BDH1: variants seen among roughly 807,000 people sequenced by gnomAD.
The protein encoded by BDH1 is D-beta-hydroxybutyrate dehydrogenase, mitochondrial.
In BDH1, 30 loss-of-function variants were observed where a neutral mutation model predicts 33.1. The observed-to-expected ratio is 0.91, with a 90% confidence interval of 0.68 to 1.23. The LOEUF (loss-of-function observed/expected upper bound fraction) is 1.23. Ranked by LOEUF, BDH1 falls within the 50% of genes most tolerant of loss-of-function variation. BDH1 has a pLI of 0.00. For synonymous variants in BDH1, 190 were observed against 183.6 expected, an observed-to-expected ratio of 1.03 and a Z score of -0.28; for missense variants, 443 against 464.4, an observed-to-expected ratio of 0.95 and a Z score of 0.42.
chr3:197,541,813 A>T (rs180753775), intron 3 of BDH1, among the ~76,000 whole-genome samples: 1 of 152,314 alleles, frequency 6.6e-6, no homozygotes, highest in Admixed American at 6.5e-5. Context: ...AAAGAAAAAC[A>T]AAGACCTATC....
Position 197,510,246 on chromosome 3 carries a change from A to G in BDH1, c.*1649T>C, listed in dbSNP as rs1177245621. 6.6e-6 allele frequency: 1 copy of G among 152,304 alleles called. No homozygotes were observed. The highest frequency in any genetic ancestry group is 1.5e-5 in the Non-Finnish European group (1 of 68,090). 9.4% of individuals were successfully genotyped at this position (152,304 alleles called of 1,614,324 possible). ...AAGCGCGAATCCCGAACGCCGTGAG[A>G]AACCTCAGGCTCGGGCGGCAGCGCG... On this transcript the variant is annotated 3_prime_UTR_variant, in exon 8 of 8. Coordinates refer to ENST00000392379, the MANE Select transcript of BDH1 (RefSeq NM_203314.3).
At chr3:197,566,042 T>C (rs1260669688) in intron 1 of BDH1, among the ~76,000 whole-genome samples, 1 of 152,270 alleles carries the variant, frequency 6.6e-6, no homozygotes, top group Non-Finnish European at 1.5e-5. Context: ...TTTTAAGCTA[T>C]TTACAGCTTT....
At chr3:197,546,696 C>T (rs539625641) in intron 2 of BDH1, among the ~76,000 whole-genome samples, 1 of 152,146 alleles carries the variant, frequency 6.6e-6, no homozygotes, top group Non-Finnish European at 1.5e-5. Flanking sequence ...TGCCTGGAAG[C>T]CTGGGTTCTG....
Position 197,509,947 on chromosome 3 carries a change from G to C in BDH1, c.*1948C>G, listed in dbSNP as rs1225211689. Reference sequence around the variant, plus strand: ...AAGCGTCCCCCTCTGGGCTCTGGAGGGTTTCGGCCCTGCCTGCCTCCCCCC... The same window carrying C: ...AAGCGTCCCCCTCTGGGCTCTGGAGCGTTTCGGCCCTGCCTGCCTCCCCCC... On this transcript the variant is annotated 3_prime_UTR_variant, in exon 8 of 8. Coordinates refer to ENST00000392379, the MANE Select transcript of BDH1 (RefSeq NM_203314.3). The C allele has an allele frequency of 6.9e-6, 1 of 144,380 alleles. No individual in the cohort carries two copies. Among genetic ancestry groups the C allele is most frequent in the East Asian group, 2.4e-4 (1 of 4,230 alleles). The allele number at this position is 144,380 out of a possible 1,614,324, so 8.9% of individuals were successfully genotyped here. A position where few individuals can be genotyped will look rare whatever the true frequency, so the allele number is the denominator to read the frequency against.
At chr3:197,556,779 G>A (rs1223025107), upstream of BDH1, among the ~76,000 whole-genome samples, 1 of 152,230 alleles carries the variant, frequency 6.6e-6, no homozygotes, top group Admixed American at 6.5e-5. Flanking sequence ...CCACAGATAA[G>A]GGTTTCCTCC....
chr3:197,511,481 G>C lies in BDH1; in HGVS notation c.*414C>G, dbSNP rs985281821. On this transcript the variant is annotated 3_prime_UTR_variant, in exon 8 of 8. Coordinates refer to ENST00000392379, the MANE Select transcript of BDH1 (RefSeq NM_203314.3). The stretch of plus-strand genomic sequence containing the variant: ...AACACATAACTGGCACTATTTATAA[G>C]CGATAAAAGGGTTATTTCATGCATC... The C allele has an allele frequency of 5.3e-6, 1 of 190,336 alleles. No homozygotes were observed. The highest frequency in any genetic ancestry group is 1.1e-5 in the Non-Finnish European group (1 of 94,022). 11.8% of individuals were successfully genotyped at this position (190,336 alleles called of 1,614,324 possible).
rs1713821943 is a variant in BDH1 at position 197,523,872 on chromosome 3, T to A, written c.268-1091A>T. On this transcript the variant is annotated intron_variant, in intron 5 of 7. Coordinates refer to ENST00000392379, the MANE Select transcript of BDH1 (RefSeq NM_203314.3). This position sits in a 1 kb window ranked among gnomAD's most constrained non-coding sequence, Gnocchi z 4.5. ...ATAAGAGGACGCCACCAGAAGCCATTGGTTGCAGGCAGTGCAGACGCATAA... is the reference window on the plus strand; with the variant it reads ...ATAAGAGGACGCCACCAGAAGCCATAGGTTGCAGGCAGTGCAGACGCATAA... Among the ~76,000 whole-genome samples the A allele has an allele frequency of 6.6e-6, 1 of 151,914 alleles. No individual in the cohort carries two copies. Among genetic ancestry groups the A allele is most frequent in the South Asian group, 2.1e-4 (1 of 4,822 alleles).
At chr3:197,534,556 G>A (rs969584292) in intron 3 of BDH1, among the ~76,000 whole-genome samples, 5 of 152,154 alleles carry the variant, frequency 3.3e-5, no homozygotes, top group South Asian at 2.1e-4. Flanking sequence ...AGGTTTTTGC[G>A]CAAACGTTGA....
intron 3 of BDH1, among the ~76,000 whole-genome samples, chr3:197,543,386 C>T (rs1458000168): frequency 4.6e-5 from 7 of 152,256 alleles, no homozygotes; most frequent in African/African-American, 1.7e-4. Flanking sequence ...CGGGTCAGGC[C>T]ACCCTGGGAG....
chr3:197,565,662 TGTTA>T (rs1226461074), intron 1 of BDH1, among the ~76,000 whole-genome samples: 1 of 152,220 alleles, frequency 6.6e-6, no homozygotes, highest in Non-Finnish European at 1.5e-5. Flanking sequence ...ATAATTGTTA[TGTTA>T]AATTGTTGCT....
intron 3 of BDH1, among the ~76,000 whole-genome samples, chr3:197,537,190 T>A (rs1715232230): frequency 6.6e-6 from 1 of 152,172 alleles, no homozygotes. Context: ...GGTCTCACCA[T>A]GTTGCCCAGG....
At chr3:197,536,351 T>A (rs1715153691) in intron 3 of BDH1, among the ~76,000 whole-genome samples, 1 of 152,234 alleles carries the variant, frequency 6.6e-6, no homozygotes, top group Non-Finnish European at 1.5e-5. Context: ...CATATAAATT[T>A]TAGAGTAATC....
intron 2 of BDH1, among the ~76,000 whole-genome samples, chr3:197,551,974 C>T (rs1173836300): frequency 6.6e-6 from 1 of 152,186 alleles, no homozygotes; most frequent in Non-Finnish European, 1.5e-5. Context: ...TTCTCCGCAC[C>T]ATGACGAGCA....
At chr3:197,512,450 G>T (rs1712177107) in intron 7 of BDH1, 86 bp from the exon 8 acceptor site, 1 of 1,415,890 alleles carries the variant, frequency 7.1e-7, no homozygotes, top group Non-Finnish European at 9.4e-7. Flanking sequence ...TAGAGGCTTG[G>T]CTGGAACCAC....
intron 1 of BDH1, chr3:197,555,464 T>A (rs1351996225): frequency 6.6e-6 from 1 of 152,322 alleles, no homozygotes; most frequent in Non-Finnish European, 1.5e-5. Context: ...TCGTTTCACC[T>A]GGGAGCTGCA....
rs1433350673 is a variant in BDH1 at position 197,516,169 on chromosome 3, C to T, written c.410-1753G>A. Among the ~76,000 whole-genome samples, 2 of 152,202 alleles carry T rather than the reference C, an allele frequency of 1.3e-5. No individual in the cohort carries two copies. The highest frequency in any genetic ancestry group is 3.9e-4 in the East Asian group (2 of 5,190). ...CTGACACCTTTCTTTCACCTGCCCC[C>T]AGATACAAGTGGCCCCCAATGTCCT... On this transcript the variant is annotated intron_variant, in intron 6 of 7. Transcript: ENST00000392379. This position sits in a 1 kb window ranked among gnomAD's most constrained non-coding sequence, Gnocchi z 4.2.
chr3:197,561,291 T>C (rs1408959989), intron 1 of BDH1, among the ~76,000 whole-genome samples: 1 of 152,064 alleles, frequency 6.6e-6, no homozygotes, highest in African/African-American at 2.4e-5. Flanking sequence ...GAATCCTTGA[T>C]CTCCCCAAAT....
chr3:197,543,003 C>A, intron 3 of BDH1: 2 of 985,410 alleles, frequency 2.0e-6, no homozygotes. Flanking sequence ...TCATCCCGGC[C>A]GCATTTGAGA....
intron 3 of BDH1, 197 bp downstream of exon 3, chr3:197,546,164 G>A: frequency 1.9e-6 from 1 of 537,702 alleles, no homozygotes; most frequent in Non-Finnish European, 3.4e-6. Flanking sequence ...GGTTATGAAA[G>A]ATATTCCTTT....
Sources: gnomAD v4.1 joint callset for allele counts (sites outside exome capture counted in the v4.1 genomes callset) on GRCh38, gnomAD v4.1.1 for gene constraint, Gnocchi (gnomAD v3.1) non-coding constraint, MANE v1.5 for transcripts, NCBI Gene and HGNC (gene_info 2026-07-23, HGNC 2026-07-21) for gene names.